Variants in SLC37A1 observed in about 807,000 individuals in gnomAD.
SLC37A1 encodes the protein glucose-6-phosphate exchanger SLC37A1.
A neutral mutation model predicts 75.3 loss-of-function variants in SLC37A1; 49 were observed. The ratio of observed to expected loss-of-function variants is 0.65; its 90% confidence interval spans 0.52 to 0.83. The LOEUF (loss-of-function observed/expected upper bound fraction) is 0.83, where lower values mean the gene tolerates loss of function less well. SLC37A1 is among the 40% of genes least tolerant of loss of function. The pLI, the probability that SLC37A1 is intolerant of heterozygous loss-of-function variation, is 0.00. For synonymous variants in SLC37A1, 268 were observed against 292.1 expected, an observed-to-expected ratio of 0.92 and a Z score of 0.84; for missense variants, 566 against 695.0, an observed-to-expected ratio of 0.81 and a Z score of 2.09.
At chr21:42,527,699 CTG>C (rs1342102961) in intron 3 of SLC37A1, among the ~76,000 whole-genome samples, 2 of 152,198 alleles carry the variant, frequency 1.3e-5, no homozygotes, top group African/African-American at 4.8e-5. Context: ...CTCATCCTCT[CTG>C]TGCCTCAGGG....
chr21:42,550,659 C>G (rs534216025), intron 9 of SLC37A1, among the ~76,000 whole-genome samples: 1 of 152,334 alleles, frequency 6.6e-6, no homozygotes, highest in African/African-American at 2.4e-5. Flanking sequence ...ACAACAGTAT[C>G]TTTTATGAGT....
Position 42,548,630 on chromosome 21 carries a change from G to A in SLC37A1, c.768+1490G>A, listed in dbSNP as rs146430111. Among the ~76,000 whole-genome samples, 53 of 152,262 alleles carry A rather than the reference G, an allele frequency of 3.5e-4. 1 individual carries two copies. The highest frequency in any genetic ancestry group is 2.0e-4 in the Admixed American group (3 of 15,292). The stretch of plus-strand genomic sequence containing the variant: ...CCACTGCTCATCAGCCTCCTAGAAC[G>A]ATCCACTCTTGCTCCCCAGAATCTC... On this transcript the variant is annotated intron_variant, in intron 9 of 19. Coordinates refer to ENST00000352133, the MANE Select transcript of SLC37A1 (RefSeq NM_001320537.2). This position sits in a 1 kb window ranked among gnomAD's most constrained non-coding sequence, Gnocchi z 5.6.
intron 19 of SLC37A1, 49 bp from the exon 20 acceptor site, chr21:42,580,296 G>A (rs1453738859): frequency 6.2e-7 from 1 of 1,600,774 alleles, no homozygotes. Flanking sequence ...ATCTCTTGCT[G>A]AGCCACTGCT....
At chr21:42,571,116 G>C (rs1302769783) in intron 17 of SLC37A1, among the ~76,000 whole-genome samples, 2 of 152,066 alleles carry the variant, frequency 1.3e-5, no homozygotes, top group Non-Finnish European at 2.9e-5. Flanking sequence ...ACCACGCCTT[G>C]GTCATTGTTC....
chr21:42,518,655 G>C lies in SLC37A1; in HGVS notation c.56+145G>C, dbSNP rs1180549735. The C allele has an allele frequency of 6.5e-6, 6 of 929,694 alleles. No individual in the cohort carries two copies. The Admixed American group carries it at 1.3e-4, about 19-fold the overall frequency. 57.6% of individuals were successfully genotyped at this position (929,694 alleles called of 1,614,324 possible). ...ACCCATAACCGTTGAATTGCTTTTTGGTGGTGGAAGCCGTGACCCAGAACA... is the reference window on the plus strand; with the variant it reads ...ACCCATAACCGTTGAATTGCTTTTTCGTGGTGGAAGCCGTGACCCAGAACA... On this transcript the variant is annotated intron_variant, in intron 2 of 19. Coordinates refer to ENST00000352133, the MANE Select transcript of SLC37A1 (RefSeq NM_001320537.2).
intron 2 of SLC37A1, among the ~76,000 whole-genome samples, chr21:42,503,805 TTCCC>T (rs2054361812): frequency 6.6e-6 from 1 of 152,126 alleles, no homozygotes; most frequent in Non-Finnish European, 1.5e-5. Flanking sequence ...AATGAACCAT[TTCCC>T]TCTCCCTCTA....
intron 17 of SLC37A1, among the ~76,000 whole-genome samples, chr21:42,572,693 A>T (rs1485264660): frequency 2.8e-5 from 4 of 145,064 alleles, no homozygotes; most frequent in Non-Finnish European, 1.5e-5. Context: ...AAAAAAAAAG[A>T]GTGTGTCCTG....
At chr21:42,573,169 C>CG (rs145601179) in intron 17 of SLC37A1, among the ~76,000 whole-genome samples, 4,041 of 152,234 alleles carry the variant, frequency 0.027, 173 homozygotes, top group African/African-American at 0.092. Context: ...CTGTCCTGCA[C>CG]GGGGGCATCA....
intron 5 of SLC37A1, among the ~76,000 whole-genome samples, 166 bp downstream of exon 5, chr21:42,535,716 G>A (rs375535220): frequency 1.1e-3 from 170 of 152,324 alleles, no homozygotes; most frequent in African/African-American, 3.8e-3. Context: ...TTAGGAGAGA[G>A]CAAGTGCGTG....
intron 14 of SLC37A1, 131 bp from the exon 15 acceptor site, chr21:42,565,696 T>A: frequency 1.3e-6 from 1 of 782,554 alleles, no homozygotes; most frequent in East Asian, 2.5e-5. Context: ...CCGTCACGCT[T>A]TTTTAGGGGT....
chr21:42,579,826 C>T (rs1481551626), intron 19 of SLC37A1, 26 bp downstream of exon 19: 11 of 1,612,736 alleles, frequency 6.8e-6, no homozygotes, highest in African/African-American at 2.7e-5. Flanking sequence ...GCCCTGTCTC[C>T]GTGCGTGAAA....
intron 11 of SLC37A1, among the ~76,000 whole-genome samples, chr21:42,560,049 G>A (rs1199607654): frequency 6.6e-6 from 1 of 152,158 alleles, no homozygotes; most frequent in Non-Finnish European, 1.5e-5. Flanking sequence ...GTCCTCGGTG[G>A]TGCTGCTGGC....
chr21:42,541,113 C>G (rs115854737), intron 6 of SLC37A1, among the ~76,000 whole-genome samples: 99 of 152,310 alleles, frequency 6.5e-4, no homozygotes, highest in African/African-American at 2.4e-3. Context: ...GGTCATCAGG[C>G]ATTCGATTCT....
At chr21:42,557,818 C>T (rs2055730397) in intron 10 of SLC37A1, among the ~76,000 whole-genome samples, 1 of 146,158 alleles carries the variant, frequency 6.8e-6, no homozygotes, top group Admixed American at 6.7e-5. Flanking sequence ...ATTTTTAGTC[C>T]AACTTATAAC....
At chr21:42,529,148 C>CA (rs984292165) in intron 3 of SLC37A1, among the ~76,000 whole-genome samples, 1 of 151,936 alleles carries the variant, frequency 6.6e-6, no homozygotes, top group East Asian at 1.9e-4. Flanking sequence ...TGAGAATAGA[C>CA]AAAAAAGTCA....
At chr21:42,578,073 A>G (rs1432972963) in intron 18 of SLC37A1, among the ~76,000 whole-genome samples, 1 of 152,214 alleles carries the variant, frequency 6.6e-6, no homozygotes, top group Non-Finnish European at 1.5e-5. Flanking sequence ...GCTTTTTGGT[A>G]TCTTTTCACC....
At chr21:42,574,455 A>G (rs1410044340) in intron 17 of SLC37A1, among the ~76,000 whole-genome samples, 1 of 152,212 alleles carries the variant, frequency 6.6e-6, no homozygotes, top group East Asian at 1.9e-4. Context: ...TATCTGAAGT[A>G]CTTGGGACCA....
At chr21:42,527,293 G>A (rs1302656480) in intron 3 of SLC37A1, among the ~76,000 whole-genome samples, 1 of 152,144 alleles carries the variant, frequency 6.6e-6, no homozygotes, top group Admixed American at 6.5e-5. Flanking sequence ...GGCCACAGCT[G>A]TTGGGGTCCA....
At chr21:42,551,730 G>A (rs2055561774) in intron 9 of SLC37A1, among the ~76,000 whole-genome samples, 1 of 152,200 alleles carries the variant, frequency 6.6e-6, no homozygotes, top group Admixed American at 6.5e-5. Context: ...GCCTAGGCAA[G>A]GTCCACTCCT....
Sources: allele counts gnomAD v4.1 joint callset (sites outside exome capture counted in the v4.1 genomes callset), GRCh38; gene constraint gnomAD v4.1.1; non-coding constraint Gnocchi (gnomAD v3.1); transcripts MANE v1.5; gene names NCBI Gene and HGNC (gene_info 2026-07-23, HGNC 2026-07-21).